The following CNIH3 variants were observed in gnomAD, a reference collection of about 807,000 sequenced individuals.
The protein encoded by CNIH3 is cornichon family AMPA receptor auxiliary protein 3.
A neutral mutation model predicts 24.1 loss-of-function variants in CNIH3; 14 were observed. The ratio of observed to expected loss-of-function variants is 0.58; its 90% CI spans 0.38 to 0.91. The LOEUF is 0.91. Ranked by LOEUF, CNIH3 falls within the 40% of genes least tolerant of loss-of-function variation. The pLI is 0.00. For missense variants in CNIH3, 178 were observed against 196.8 expected, an observed-to-expected ratio of 0.90 and a Z score of 0.57; for synonymous variants, 68 against 73.8, an observed-to-expected ratio of 0.92 and a Z score of 0.40.
intron 1 of CNIH3, among the ~76,000 whole-genome samples, chr1:224,516,690 C>G (rs944995026): frequency 6.6e-6 from 1 of 152,232 alleles, no homozygotes; most frequent in Non-Finnish European, 1.5e-5. Context: ...CTGCATGGGT[C>G]TGCACTGCAA....
At chr1:224,625,069 A>G (rs1683454719) in intron 1 of CNIH3, among the ~76,000 whole-genome samples, 2 of 152,204 alleles carry the variant, frequency 1.3e-5, no homozygotes, top group African/African-American at 4.8e-5. Context: ...TCTGGAGGGC[A>G]GAAACTGTTG....
chr1:224,596,100 C>T (rs1681969963), intron 3 of CNIH3, among the ~76,000 whole-genome samples: 1 of 152,202 alleles, frequency 6.6e-6, no homozygotes, highest in South Asian at 2.1e-4. Context: ...GTAGATGAAA[C>T]AGCCTTCTCT....
chr1:224,657,800 C>T (rs893156487), intron 1 of CNIH3, among the ~76,000 whole-genome samples: 9 of 152,122 alleles, frequency 5.9e-5, no homozygotes, highest in Admixed American at 5.2e-4. Flanking sequence ...TGATTATAAA[C>T]TGCTTTTTGA....
chr1:224,719,899 C>T (rs1688621469), intron 3 of CNIH3, among the ~76,000 whole-genome samples: 1 of 152,160 alleles, frequency 6.6e-6, no homozygotes, highest in Admixed American at 6.5e-5. Flanking sequence ...TGGCACAGTC[C>T]AGCTAATAGG....
downstream of CNIH3, among the ~76,000 whole-genome samples, chr1:224,539,887 A>G (rs1679445178): frequency 6.6e-6 from 1 of 152,094 alleles, no homozygotes; most frequent in South Asian, 2.1e-4. Flanking sequence ...TATATGCTTT[A>G]TATTATAGTT....
intron 1 of CNIH3, among the ~76,000 whole-genome samples, chr1:224,653,245 A>ACT (rs1684945328): frequency 6.6e-6 from 1 of 152,074 alleles, no homozygotes; most frequent in East Asian, 1.9e-4. Flanking sequence ...CAACATGGTG[A>ACT]AACCCCATCT....
chr1:224,464,756 A>G (rs1210767893), intron 1 of CNIH3, among the ~76,000 whole-genome samples: 1 of 152,156 alleles, frequency 6.6e-6, no homozygotes, highest in African/African-American at 2.4e-5. Context: ...AGGTAGCATA[A>G]GTCTTCCAGC....
At chr1:224,681,303 T>A (rs1686390223) in intron 2 of CNIH3, among the ~76,000 whole-genome samples, 1 of 152,186 alleles carries the variant, frequency 6.6e-6, no homozygotes, top group African/African-American at 2.4e-5. Context: ...GGTGCTCTTG[T>A]GTTTTGGTTA....
chr1:224,457,125 A>G (rs1227456754), intron 1 of CNIH3, among the ~76,000 whole-genome samples: 1 of 152,186 alleles, frequency 6.6e-6, no homozygotes, highest in Non-Finnish European at 1.5e-5. Context: ...GACAGCAGGC[A>G]GGTCAGGCCT....
At chr1:224,713,115 G>C (rs1688243246) in intron 3 of CNIH3, among the ~76,000 whole-genome samples, 2 of 152,164 alleles carry the variant, frequency 1.3e-5, no homozygotes, top group Admixed American at 1.3e-4. Flanking sequence ...TGACTGTACT[G>C]TTATTGAGCT....
intron 1 of CNIH3, among the ~76,000 whole-genome samples, chr1:224,464,435 A>C (rs1355875797): frequency 6.6e-6 from 1 of 152,008 alleles, no homozygotes; most frequent in Non-Finnish European, 1.5e-5. Flanking sequence ...CCAGCTAGTT[A>C]GTTTAATTTT....
chr1:224,626,361 C>G (rs1421339598), intron 1 of CNIH3, among the ~76,000 whole-genome samples: 1 of 152,194 alleles, frequency 6.6e-6, no homozygotes, highest in East Asian at 1.9e-4. Flanking sequence ...AAATGCACAG[C>G]TAGATCCTGA....
At chr1:224,603,806 C>T (rs565490604) in intron 3 of CNIH3, among the ~76,000 whole-genome samples, 17 of 152,206 alleles carry the variant, frequency 1.1e-4, no homozygotes, top group African/African-American at 3.1e-4. Flanking sequence ...GCTGTGGTTC[C>T]TTATTACTAT....
intron 1 of CNIH3, among the ~76,000 whole-genome samples, chr1:224,671,991 G>A (rs1023050084): frequency 6.6e-6 from 1 of 151,834 alleles, no homozygotes; most frequent in African/African-American, 2.4e-5. Flanking sequence ...ATAAAACTAG[G>A]ACTAGATATA....
chr1:224,593,160 T>A (rs1681833746), downstream of CNIH3, among the ~76,000 whole-genome samples: 1 of 133,904 alleles, frequency 7.5e-6, no homozygotes, highest in African/African-American at 3.2e-5. Flanking sequence ...TTTTTTTAAC[T>A]TTTTTTTTTT....
chr1:224,575,522 G>T (rs1407401626), intron 4 of CNIH3: 2 of 494,502 alleles, frequency 4.0e-6, no homozygotes, highest in South Asian at 2.2e-5. Context: ...GCCAGCGAGG[G>T]TGTGTCTAGC....
intron 1 of CNIH3, among the ~76,000 whole-genome samples, chr1:224,510,478 A>G (rs1321790950): frequency 1.3e-5 from 2 of 151,810 alleles, no homozygotes; most frequent in African/African-American, 2.4e-5. Flanking sequence ...TAATCCCAGC[A>G]CTTTGGGAAG....
intron 1 of CNIH3, among the ~76,000 whole-genome samples, chr1:224,647,135 G>A (rs1015116365): frequency 1.3e-5 from 2 of 151,978 alleles, no homozygotes; most frequent in Admixed American, 6.6e-5. Context: ...GGCACCCGCC[G>A]CCACACCCAG....
At chr1:224,735,464 A>G (rs1281259589) in intron 5 of CNIH3, among the ~76,000 whole-genome samples, 2 of 151,866 alleles carry the variant, frequency 1.3e-5, no homozygotes, top group Non-Finnish European at 2.9e-5. Context: ...TTGCGATTCC[A>G]TCATTACCTG....
Sources: gnomAD v4.1 joint callset for allele counts (sites outside exome capture counted in the v4.1 genomes callset) on GRCh38, gnomAD v4.1.1 for gene constraint, MANE v1.5 for transcripts, NCBI Gene and HGNC (gene_info 2026-07-23, HGNC 2026-07-21) for gene names.